Variants in PRKCI observed in about 807,000 individuals in gnomAD.
PRKCI encodes the protein protein kinase C iota.
In PRKCI, 43 loss-of-function variants were observed where a neutral mutation model predicts 84.0. That is an observed-to-expected ratio of 0.51 (90% CI 0.40 to 0.66). PRKCI has a LOEUF of 0.66. Among genes scored for constraint, PRKCI ranks in the 30% least tolerant of loss-of-function variants. The probability of loss-of-function intolerance (pLI) is 0.00; values close to 1 mark genes in which losing one functional copy is unlikely to be tolerated. For missense variants in PRKCI, 459 were observed against 745.6 expected (o/e 0.62, Z 4.48); for synonymous variants, 216 against 234.4 (o/e 0.92, Z 0.72).
chr3:170,260,166 T>C, intron 3 of PRKCI, 108 bp downstream of exon 3: 1 of 688,752 alleles, frequency 1.5e-6, no homozygotes, highest in Non-Finnish European at 2.4e-6. Context: ...TCTCAATCTC[T>C]GTGACTCATG....
chr3:170,299,026 A>C lies in PRKCI; in HGVS notation c.1619A>C (p.Lys540Thr). The change falls in exon 17 of 18, where the codon AAA (lysine) becomes ACA (threonine). Residue 540 changes from lysine (K) to threonine (T), a missense_variant. Transcript: ENST00000295797. Reference sequence around the variant, plus strand: ...CAAAAACAGGTGGTACCTCCCTTTAAACCAAATATTTCTGGGGAATTTGGT... The same window carrying C: ...CAAAAACAGGTGGTACCTCCCTTTACACCAAATATTTCTGGGGAATTTGGT... ...MEQKQVVPPF[K>T]PNISGEFGLD... 6.2e-7 allele frequency: 1 copy of C among 1,613,302 alleles called. No homozygotes were observed. The highest frequency in any genetic ancestry group is 8.5e-7 in the Non-Finnish European group (1 of 1,179,762).
chr3:170,264,933 C>T (rs1733821694), intron 4 of PRKCI, among the ~76,000 whole-genome samples: 2 of 151,940 alleles, frequency 1.3e-5, no homozygotes, highest in Admixed American at 1.3e-4. Flanking sequence ...TGCCTGTAAC[C>T]CTAGCACTTT....
chr3:170,259,808 AAATAAT>A (rs1481739016), intron 2 of PRKCI, among the ~76,000 whole-genome samples, 155 bp from the exon 3 acceptor site: 1 of 152,040 alleles, frequency 6.6e-6, no homozygotes, highest in Non-Finnish European at 1.5e-5. Context: ...CTCTGTCTCC[AAATAAT>A]AATAATAATA....
At position 170,303,286 on chromosome 3, in the gene PRKCI, T is replaced by C; in HGVS notation, c.*159T>C. ...CTATATGAATCAATTATTACATCTG[T>C]TTTACTATGAAAAAAAAATTAATAC... On this transcript the variant is annotated 3_prime_UTR_variant, in exon 18 of 18. Transcript: ENST00000295797. 4.8e-6 allele frequency: 2 copies of C among 420,648 alleles called. No homozygotes were observed. The allele number at this position is 420,648 out of a possible 1,614,324, so 26.1% of individuals were successfully genotyped here. A position where few individuals can be genotyped will look rare whatever the true frequency, so the allele number is the denominator to read the frequency against.
chr3:170,262,085 T>C (rs1199057101), intron 3 of PRKCI, among the ~76,000 whole-genome samples: 1 of 152,212 alleles, frequency 6.6e-6, no homozygotes, highest in Non-Finnish European at 1.5e-5. Flanking sequence ...AACTGTGTCC[T>C]TTAGTACATC....
At chr3:170,234,841 T>A (rs1014563214) in intron 1 of PRKCI, among the ~76,000 whole-genome samples, 1 of 152,196 alleles carries the variant, frequency 6.6e-6, no homozygotes, top group Non-Finnish European at 1.5e-5. Flanking sequence ...TCTCCTCTGT[T>A]GCCCAGGCTG....
intron 4 of PRKCI, among the ~76,000 whole-genome samples, chr3:170,267,449 G>A (rs1188368517): frequency 6.6e-6 from 1 of 152,046 alleles, no homozygotes; most frequent in East Asian, 1.9e-4. Flanking sequence ...CGAGGCGGGC[G>A]GATCATCTGA....
intron 17 of PRKCI, among the ~76,000 whole-genome samples, chr3:170,299,734 A>T (rs560987808): frequency 6.6e-6 from 1 of 152,364 alleles, no homozygotes; most frequent in African/African-American, 2.4e-5. Flanking sequence ...CACAGCTATC[A>T]GGTGGCAGAG....
chr3:170,279,304 TACAGGCATG>T (rs1435217719), intron 8 of PRKCI, among the ~76,000 whole-genome samples: 1 of 152,212 alleles, frequency 6.6e-6, no homozygotes, highest in African/African-American at 2.4e-5. Context: ...GTGCTGAAAA[TACAGGCATG>T]AGCCACTGTG....
intron 11 of PRKCI, among the ~76,000 whole-genome samples, chr3:170,282,406 G>C (rs1734270208): frequency 6.6e-6 from 1 of 151,896 alleles, no homozygotes; most frequent in Non-Finnish European, 1.5e-5. Flanking sequence ...GTAATTAAAC[G>C]ATCCCTCTGG....
intron 2 of PRKCI, chr3:170,244,795 G>A (rs1560169553): frequency 6.6e-6 from 1 of 152,272 alleles, no homozygotes; most frequent in Non-Finnish European, 1.5e-5. Flanking sequence ...TGGTCCAGGT[G>A]CAGTGGTGTT....
At chr3:170,225,472 G>A (rs1296539020) in intron 1 of PRKCI, among the ~76,000 whole-genome samples, 1 of 152,100 alleles carries the variant, frequency 6.6e-6, no homozygotes, top group Non-Finnish European at 1.5e-5. Flanking sequence ...ACCAAGAAAT[G>A]TGAGAACATT....
chr3:170,275,127 AAATC>A, intron 7 of PRKCI, 98 bp from the exon 8 acceptor site: 1 of 1,352,944 alleles, frequency 7.4e-7, no homozygotes, highest in Non-Finnish European at 9.7e-7. Context: ...ACTAAAATAA[AAATC>A]AGGAGACAAT....
intron 2 of PRKCI, among the ~76,000 whole-genome samples, chr3:170,253,981 C>G (rs527361616): frequency 4.0e-5 from 6 of 151,602 alleles, no homozygotes; most frequent in Non-Finnish European, 8.8e-5. Flanking sequence ...CCTGCAATCC[C>G]AGCTACTTGG....
At chr3:170,257,227 A>G (rs1325997947) in intron 2 of PRKCI, among the ~76,000 whole-genome samples, 1 of 152,232 alleles carries the variant, frequency 6.6e-6, no homozygotes, top group African/African-American at 2.4e-5. Context: ...TGGTGAACCT[A>G]GAGAATAGTG....
intron 2 of PRKCI, among the ~76,000 whole-genome samples, chr3:170,237,421 T>C (rs1402759161): frequency 1.3e-5 from 2 of 152,090 alleles, no homozygotes; most frequent in African/African-American, 2.4e-5. Flanking sequence ...GGCCTACATA[T>C]TGGGTACAGT....
chr3:170,284,807 T>C (rs545558949), intron 12 of PRKCI, among the ~76,000 whole-genome samples: 1 of 152,334 alleles, frequency 6.6e-6, no homozygotes, highest in African/African-American at 2.4e-5. Context: ...TAAGAGCTAA[T>C]TTCTTTTTAT....
At position 170,303,986 on chromosome 3, in the gene PRKCI, A is replaced by G. The variant is rs1252860113; in HGVS notation, c.*859A>G. The stretch of plus-strand genomic sequence containing the variant: ...AACAGTGAGTGAGACTCGGTCTCAA[A>G]CAAAAACCAAATTGGGAAATTCTTC... On this transcript the variant is annotated 3_prime_UTR_variant, in exon 18 of 18. Coordinates refer to ENST00000295797, the MANE Select transcript of PRKCI (RefSeq NM_002740.6). The G allele has an allele frequency of 3.7e-5, 6 of 161,152 alleles. No homozygotes were observed. The highest frequency in any genetic ancestry group is 8.2e-5 in the Non-Finnish European group (6 of 73,346). 10.0% of individuals were successfully genotyped at this position (161,152 alleles called of 1,614,324 possible).
At chr3:170,287,748 A>G (rs1304404461) in intron 12 of PRKCI, among the ~76,000 whole-genome samples, 12 of 151,500 alleles carry the variant, frequency 7.9e-5, no homozygotes, top group East Asian at 1.9e-4. Flanking sequence ...TGTCTCTACT[A>G]AAAACACCAA....
Sources: allele counts gnomAD v4.1 joint callset (sites outside exome capture counted in the v4.1 genomes callset), GRCh38; gene constraint gnomAD v4.1.1; transcripts MANE v1.5; gene names NCBI Gene and HGNC (gene_info 2026-07-23, HGNC 2026-07-21).